The following GRIK3 variants were observed in gnomAD, a reference collection of about 807,000 sequenced individuals.
The protein encoded by GRIK3 is glutamate ionotropic receptor kainate type subunit 3.
GRIK3 carries 29 observed loss-of-function variants against 102.5 expected under a neutral mutation model. The ratio of observed to expected loss-of-function variants is 0.28; its 90% CI spans 0.21 to 0.39. GRIK3 has a LOEUF of 0.39. Among genes scored for constraint, GRIK3 ranks in the 10% least tolerant of loss-of-function variants. The probability of loss-of-function intolerance (pLI) is 1.00; values close to 1 mark genes in which losing one functional copy is unlikely to be tolerated. For synonymous variants in GRIK3, 511 were observed against 504.9 expected (o/e 1.01, Z -0.16); for missense variants, 908 against 1,252.4 (o/e 0.73, Z 4.15).
At chr1:36,964,646 GAAGTGACTTGCCC>G (rs1348732389) in intron 1 of GRIK3, among the ~76,000 whole-genome samples, 1 of 152,196 alleles carries the variant, frequency 6.6e-6, no homozygotes, top group East Asian at 1.9e-4. Context: ...GAGGCTCAGT[GAAGTGACTTGCCC>G]AAGACCATGC....
At chr1:36,839,879 T>C (rs1640426005) in intron 10 of GRIK3, among the ~76,000 whole-genome samples, 1 of 152,086 alleles carries the variant, frequency 6.6e-6, no homozygotes, top group Admixed American at 6.5e-5. Context: ...CCAGCCTCCC[T>C]CCCCACTTGC....
chr1:37,034,492 C>T lies in GRIK3; in HGVS notation c.-384G>A, dbSNP rs556303438. Reference sequence around the variant, plus strand: ...CGGCCGCTCCTCCTCCAGCCGCCGCCGATGCTATCGCCCGGGCTCGCACAA... The same window carrying T: ...CGGCCGCTCCTCCTCCAGCCGCCGCTGATGCTATCGCCCGGGCTCGCACAA... On this transcript the variant is annotated 5_prime_UTR_variant, in exon 1 of 16. Transcript: ENST00000373091. Among the ~76,000 whole-genome samples the T allele has an allele frequency of 6.6e-6, 1 of 151,862 alleles. No individual in the cohort carries two copies. Among genetic ancestry groups the T allele is most frequent in the Non-Finnish European group, 1.5e-5 (1 of 67,922 alleles).
At chr1:36,915,636 G>T (rs575454408) in intron 1 of GRIK3, among the ~76,000 whole-genome samples, 5 of 152,054 alleles carry the variant, frequency 3.3e-5, no homozygotes, top group African/African-American at 1.2e-4. Flanking sequence ...GGTCTTTCCC[G>T]TGCTGTTTTC....
At chr1:36,862,613 G>A (rs1640740029) in intron 5 of GRIK3, among the ~76,000 whole-genome samples, 1 of 152,084 alleles carries the variant, frequency 6.6e-6, no homozygotes, top group South Asian at 2.1e-4. Context: ...GGGCAGCAAA[G>A]AGGGGAGAGA....
At chr1:37,004,464 G>A (rs896392396) in intron 1 of GRIK3, among the ~76,000 whole-genome samples, 1 of 152,152 alleles carries the variant, frequency 6.6e-6, no homozygotes, top group African/African-American at 2.4e-5. Flanking sequence ...AGGGCAGTGG[G>A]GGTCTGGGGT....
chr1:36,841,923 A>G lies in GRIK3; in HGVS notation c.1343T>C (p.Met448Thr). ...VTTVLEEPFVMFRKSDRTLYG... is the reference protein window; with the variant it reads ...VTTVLEEPFVTFRKSDRTLYG... Reference sequence around the variant, plus strand: ...TAGCGTCCTGTCTGATTTCCGAAACATGACGAAGGGCTCCTCCTGCAGAGA... The same window carrying G: ...TAGCGTCCTGTCTGATTTCCGAAACGTGACGAAGGGCTCCTCCTGCAGAGA... The change falls in exon 10 of 16, where the codon ATG (methionine) becomes ACG (threonine). Residue 448 changes from methionine to threonine, a missense_variant. Met to Thr is a moderately conservative substitution (Grantham distance 81, BLOSUM62 -1). Transcript: ENST00000373091. The G allele has an allele frequency of 6.2e-7, 1 of 1,614,158 alleles. No homozygotes were observed. The highest frequency in any genetic ancestry group is 1.3e-5 in the African/African-American group (1 of 75,050).
At position 36,893,255 on chromosome 1, in the gene GRIK3, A is replaced by C. The variant is rs143376181; in HGVS notation, c.116-2159T>G. Among the ~76,000 whole-genome samples the C allele has an allele frequency of 7.6e-4, 116 of 152,286 alleles. 1 individual carries two copies. Among genetic ancestry groups the C allele is most frequent in the African/African-American group, 2.7e-3 (112 of 41,560 alleles). Reference sequence around the variant, plus strand: ...AAACAAAATTAAATTACAAACACAAACTTGAAATAAATATTTGTAACATAT... The same window carrying C: ...AAACAAAATTAAATTACAAACACAACCTTGAAATAAATATTTGTAACATAT... On this transcript the variant is annotated intron_variant, in intron 1 of 15. Transcript: ENST00000373091.
intron 1 of GRIK3, among the ~76,000 whole-genome samples, chr1:36,962,438 C>T (rs934439433): frequency 1.6e-4 from 25 of 152,078 alleles, no homozygotes; most frequent in Non-Finnish European, 2.2e-4. Context: ...CTCAGCCCCA[C>T]GCCGCTTTTC....
intron 1 of GRIK3, among the ~76,000 whole-genome samples, chr1:36,952,706 T>TATGA (rs898924777): frequency 2.9e-4 from 44 of 152,220 alleles, no homozygotes; most frequent in Middle Eastern, 3.4e-3. Flanking sequence ...TGAGAAAGCA[T>TATGA]ATGAATGAAT....
chr1:36,984,023 G>A (rs1040291170), intron 1 of GRIK3, among the ~76,000 whole-genome samples: 3 of 152,164 alleles, frequency 2.0e-5, no homozygotes, highest in African/African-American at 4.8e-5. Context: ...GAATTAGTGA[G>A]GGCATTCATA....
intron 7 of GRIK3, among the ~76,000 whole-genome samples, chr1:36,855,991 A>G (rs1001231178): frequency 6.6e-6 from 1 of 152,224 alleles, no homozygotes; most frequent in Non-Finnish European, 1.5e-5. Context: ...AGCAGTGCTG[A>G]AAGTCCTGGG....
At chr1:36,896,117 GA>G (rs1159726270) in intron 1 of GRIK3, among the ~76,000 whole-genome samples, 1 of 152,042 alleles carries the variant, frequency 6.6e-6, no homozygotes, top group African/African-American at 2.4e-5. Flanking sequence ...TGCCTTACAA[GA>G]AATATTAAAA....
chr1:36,960,585 G>A (rs937543073), intron 1 of GRIK3, among the ~76,000 whole-genome samples: 3 of 152,276 alleles, frequency 2.0e-5, no homozygotes, highest in African/African-American at 4.8e-5. Flanking sequence ...TCCACTCCTG[G>A]GCTGGGCCCA....
chr1:36,988,473 G>T (rs1363342803), intron 1 of GRIK3, among the ~76,000 whole-genome samples: 2 of 152,358 alleles, frequency 1.3e-5, no homozygotes, highest in African/African-American at 4.8e-5. Flanking sequence ...CAGAGGCCCT[G>T]CTGGCAGGGC....
chr1:36,984,801 C>A (rs541124191), intron 1 of GRIK3, among the ~76,000 whole-genome samples: 1 of 152,180 alleles, frequency 6.6e-6, no homozygotes, highest in African/African-American at 2.4e-5. Context: ...AGAGCCCAGG[C>A]CAGAAGGGCT....
Position 37,001,798 on chromosome 1 carries a change from A to G in GRIK3, c.115+32196T>C, listed in dbSNP as rs74745738. Among the ~76,000 whole-genome samples the G allele has an allele frequency of 3.0e-3, 456 of 152,310 alleles. 1 individual carries two copies. The highest frequency in any genetic ancestry group is 9.7e-3 in the African/African-American group (404 of 41,568). On this transcript the variant is annotated intron_variant, in intron 1 of 15. Coordinates refer to ENST00000373091, the MANE Select transcript of GRIK3 (RefSeq NM_000831.4). Reference sequence around the variant, plus strand: ...GGATACACAGGTAGGGGAGAAGGAAATGAGAAAGGTGAAGGACGGCTGTGC... The same window carrying G: ...GGATACACAGGTAGGGGAGAAGGAAGTGAGAAAGGTGAAGGACGGCTGTGC...
At chr1:36,867,599 G>A (rs1401765452) in intron 5 of GRIK3, among the ~76,000 whole-genome samples, 2 of 152,066 alleles carry the variant, frequency 1.3e-5, no homozygotes, top group African/African-American at 2.4e-5. Context: ...CCTGGGCACT[G>A]AGCTAGGCAC....
At chr1:36,960,217 T>C (rs1641990278) in intron 1 of GRIK3, among the ~76,000 whole-genome samples, 1 of 149,604 alleles carries the variant, frequency 6.7e-6, no homozygotes, top group African/African-American at 2.5e-5. Flanking sequence ...CATGAGCCTG[T>C]GTGCCCTGTG....
Position 36,837,645 on chromosome 1 carries a change from C to T in GRIK3, c.1530+4091G>A, listed in dbSNP as rs58854297. ...GTGGGTTCAGATTCTCCATAGCCCT[C>T]GGGATTAAAGTCCAGTTCCTCGGTT... On this transcript the variant is annotated intron_variant, in intron 10 of 15. Transcript: ENST00000373091. 2.5e-3 allele frequency among the ~76,000 whole-genome samples: 383 copies of T among 152,244 alleles called. 1 individual carries two copies. The highest frequency in any genetic ancestry group is 8.9e-3 in the African/African-American group (368 of 41,542).
Sources: allele counts gnomAD v4.1 joint callset (sites outside exome capture counted in the v4.1 genomes callset), GRCh38; gene constraint gnomAD v4.1.1; transcripts MANE v1.5; gene names NCBI Gene and HGNC (gene_info 2026-07-23, HGNC 2026-07-21).